The following FBXO15 variants were observed in gnomAD, a reference collection of about 807,000 sequenced individuals.
FBXO15 encodes the protein F-box only protein 15.
Under a neutral mutation model 49.5 loss-of-function variants are expected in FBXO15, and 30 were observed. The ratio of observed to expected loss-of-function variants is 0.61; its 90% CI spans 0.45 to 0.82. FBXO15 has a LOEUF of 0.82. Among genes scored for constraint, FBXO15 ranks in the 40% least tolerant of loss-of-function variants. FBXO15 has a pLI of 0.00. For synonymous variants in FBXO15, 250 were observed against 232.7 expected, an observed-to-expected ratio of 1.07 and a Z score of -0.68; for missense variants, 591 against 631.5, an observed-to-expected ratio of 0.94 and a Z score of 0.69.
intron 3 of FBXO15, among the ~76,000 whole-genome samples, chr18:74,135,199 C>T (rs888345305): frequency 1.3e-5 from 2 of 152,188 alleles, no homozygotes; most frequent in African/African-American, 4.8e-5. Context: ...GAACCCCTCT[C>T]TTTTGGCTCC....
chr18:74,136,080 G>A (rs1292795677), intron 2 of FBXO15, among the ~76,000 whole-genome samples: 1 of 152,160 alleles, frequency 6.6e-6, no homozygotes, highest in Non-Finnish European at 1.5e-5. Flanking sequence ...CATAAATAGA[G>A]CCAAGGGTTG....
Position 74,135,644 on chromosome 18 carries a change from T to A in FBXO15, c.332+118A>T, listed in dbSNP as rs1978668992. ...TTAAAGCATTTGACATTTCCACTTG[T>A]GTGTAAAAATACTCTTGAATTCTCT... On this transcript the variant is annotated intron_variant, in intron 3 of 9. Coordinates refer to ENST00000419743, the MANE Select transcript of FBXO15 (RefSeq NM_001142958.2). The A allele has an allele frequency of 1.2e-5, 9 of 737,300 alleles. No homozygotes were observed. In the South Asian group the frequency reaches 1.8e-4, roughly 15 times the overall value. The allele number at this position is 737,300 out of a possible 1,614,324, so 45.7% of individuals were successfully genotyped here.
At chr18:74,136,333 G>A (rs774333165) in intron 2 of FBXO15, among the ~76,000 whole-genome samples, 2 of 152,094 alleles carry the variant, frequency 1.3e-5, no homozygotes, top group East Asian at 1.9e-4. Context: ...GGCGCACGCC[G>A]CCAAGCCTGG....
At chr18:74,091,141 T>C (rs1240501255) in intron 8 of FBXO15, among the ~76,000 whole-genome samples, 1 of 152,236 alleles carries the variant, frequency 6.6e-6, no homozygotes, top group African/African-American at 2.4e-5. Context: ...TTTATCATTA[T>C]GTAATGCCCT....
intron 3 of FBXO15, among the ~76,000 whole-genome samples, chr18:74,133,029 C>T (rs10514110): frequency 0.094 from 14,232 of 152,210 alleles, 1,277 homozygotes; most frequent in African/African-American, 0.23. Flanking sequence ...TCAGAAGTAA[C>T]GCTTAGAATA....
chr18:74,108,599 A>G (rs1913876282), intron 8 of FBXO15, among the ~76,000 whole-genome samples: 1 of 152,084 alleles, frequency 6.6e-6, no homozygotes, highest in African/African-American at 2.4e-5. Flanking sequence ...CAATGGAAAT[A>G]CCATAATAAG....
intron 8 of FBXO15, among the ~76,000 whole-genome samples, chr18:74,082,560 A>G (rs1050207390): frequency 4.6e-5 from 7 of 152,186 alleles, no homozygotes; most frequent in African/African-American, 1.4e-4. Context: ...GCACATGCCC[A>G]CCTAGCTGGA....
intron 3 of FBXO15, among the ~76,000 whole-genome samples, chr18:74,131,642 G>A (rs944016018): frequency 1.3e-5 from 2 of 152,240 alleles, no homozygotes; most frequent in African/African-American, 2.4e-5. Flanking sequence ...CTCTCAGCCA[G>A]TACTCTCCAC....
chr18:74,147,649 A>C (rs1230263700), intron 1 of FBXO15, 21 bp downstream of exon 1: 2 of 1,386,024 alleles, frequency 1.4e-6, no homozygotes, highest in African/African-American at 3.1e-5. Context: ...AGGGGACCCC[A>C]CCCGCAGGCC....
rs146352641 is a variant in FBXO15, at chr18:74,123,420, G to A, written c.1086C>T (p.Ser362=). ...TACCACATAGGTAGAAAACCCCACC[G>A]CTGTGCAGATCAACATGGAGTTGGT... ...HGYQLHVDLH[S]GGVFYLCGTF... The change falls in exon 8 of 10, where the codon AGC becomes AGT. Residue 362 remains serine (S), a synonymous_variant. Coordinates refer to ENST00000419743, the MANE Select transcript of FBXO15 (RefSeq NM_001142958.2). The A allele has an allele frequency of 2.6e-4, 425 of 1,613,926 alleles. 3 individuals carry two copies. The highest frequency in any genetic ancestry group is 1.3e-3 in the South Asian group (117 of 91,060).
At chr18:74,108,293 A>AT (rs1913858926) in intron 8 of FBXO15, among the ~76,000 whole-genome samples, 1 of 152,154 alleles carries the variant, frequency 6.6e-6, no homozygotes. Flanking sequence ...GATAAAAAAA[A>AT]TTTTTTAAAA....
rs140475666 is a variant in FBXO15, at chr18:74,086,153, A to G, written c.1139-4102T>C. ...TATAATCTGAACTAGACACAGAAAA[A>G]AAATTAATATCAAGAAACTTGATAA... On this transcript the variant is annotated intron_variant, in intron 8 of 9. Coordinates refer to ENST00000419743, the MANE Select transcript of FBXO15 (RefSeq NM_001142958.2). Among the ~76,000 whole-genome samples, 517 of 152,290 alleles carry G rather than the reference A, an allele frequency of 3.4e-3. 2 individuals carry two copies. The highest frequency in any genetic ancestry group is 6.0e-3 in the Non-Finnish European group (405 of 68,022).
chr18:74,087,887 G>A lies in FBXO15; in HGVS notation c.1139-5836C>T, dbSNP rs115324781. On this transcript the variant is annotated intron_variant, in intron 8 of 9. Coordinates refer to ENST00000419743, the MANE Select transcript of FBXO15 (RefSeq NM_001142958.2). ...CCTTGTGAGCCTGTGTCATTTTTTTGAATTTTTAATAATAGCCATTCTGAT... is the reference window on the plus strand; with the variant it reads ...CCTTGTGAGCCTGTGTCATTTTTTTAAATTTTTAATAATAGCCATTCTGAT... Among the ~76,000 whole-genome samples, 845 of 152,118 alleles carry A rather than the reference G, an allele frequency of 5.6e-3. 8 individuals carry two copies. The highest frequency in any genetic ancestry group is 0.02 in the African/African-American group (813 of 41,500).
intron 8 of FBXO15, among the ~76,000 whole-genome samples, chr18:74,082,858 A>AAGT (rs1404975915): frequency 6.6e-6 from 1 of 152,220 alleles, no homozygotes; most frequent in Non-Finnish European, 1.5e-5. Context: ...GGGAAGATGC[A>AAGT]AGTCACAGGG....
chr18:74,120,549 T>A (rs1162519284), intron 8 of FBXO15, among the ~76,000 whole-genome samples: 1 of 152,208 alleles, frequency 6.6e-6, no homozygotes, highest in Non-Finnish European at 1.5e-5. Context: ...ATTTGGAAAC[T>A]ATATTACACA....
At chr18:74,125,913 G>A (rs1297253103) in intron 6 of FBXO15, 62 bp downstream of exon 6, 4 of 1,584,734 alleles carry the variant, frequency 2.5e-6, no homozygotes, top group African/African-American at 1.3e-5. Flanking sequence ...ATACATAATG[G>A]TAAGTAAATG....
At chr18:74,084,030 G>T (rs946552276) in intron 8 of FBXO15, among the ~76,000 whole-genome samples, 1 of 152,150 alleles carries the variant, frequency 6.6e-6, no homozygotes, top group Non-Finnish European at 1.5e-5. Flanking sequence ...CCTGGTCAAC[G>T]GCAGAAACAT....
At chr18:74,132,959 A>C (rs1394787033) in intron 3 of FBXO15, among the ~76,000 whole-genome samples, 2 of 152,210 alleles carry the variant, frequency 1.3e-5, no homozygotes, top group African/African-American at 4.8e-5. Flanking sequence ...CTGCCCTTCA[A>C]GTGTGCCTGC....
intron 8 of FBXO15, among the ~76,000 whole-genome samples, chr18:74,121,412 TA>T (rs1186123618): frequency 2.6e-5 from 4 of 152,154 alleles, no homozygotes; most frequent in Admixed American, 2.6e-4. Context: ...TGTGCAAAAC[TA>T]GCATGAAGAA....
Sources: gnomAD v4.1 joint callset for allele counts (sites outside exome capture counted in the v4.1 genomes callset) on GRCh38, gnomAD v4.1.1 for gene constraint, MANE v1.5 for transcripts, NCBI Gene and HGNC (gene_info 2026-07-23, HGNC 2026-07-21) for gene names.